The following SLC17A1 variants were observed in gnomAD, a reference collection of about 807,000 sequenced individuals.
The protein encoded by SLC17A1 is sodium-dependent phosphate transport protein 1.
Under a neutral mutation model 53.5 loss-of-function variants are expected in SLC17A1, and 51 were observed. That is an observed-to-expected ratio of 0.95 (90% CI 0.76 to 1.20). The LOEUF (loss-of-function observed/expected upper bound fraction) is 1.20. Among genes scored for constraint, SLC17A1 ranks in the 50% most tolerant of loss-of-function variants. The pLI, the probability that SLC17A1 is intolerant of heterozygous loss-of-function variation, is 0.00. For synonymous variants in SLC17A1, 179 were observed against 198.8 expected, an observed-to-expected ratio of 0.90 and a Z score of 0.84; for missense variants, 538 against 568.2, an observed-to-expected ratio of 0.95 and a Z score of 0.54.
downstream of SLC17A1, chr6:25,777,969 A>C: frequency 1.9e-6 from 3 of 1,613,172 alleles, no homozygotes; most frequent in Non-Finnish European, 2.5e-6. Flanking sequence ...CTTTGCACAC[A>C]TAGCTGGAGC....
the SLC17A1 span, among the ~76,000 whole-genome samples, chr6:25,759,598 T>G: frequency 3.3e-5 from 5 of 152,276 alleles, no homozygotes; most frequent in African/African-American, 1.2e-4. Flanking sequence ...TTTTGTCTGA[T>G]GTAAGAATAG....
intron 6 of SLC17A1, 69 bp downstream of exon 6, chr6:25,818,999 A>G: frequency 1.1e-6 from 1 of 945,058 alleles, no homozygotes; most frequent in Non-Finnish European, 1.6e-6. Context: ...ATTACATTAT[A>G]TTGGGTTTTA....
downstream of SLC17A1, chr6:25,780,810 T>A (rs1239345659): frequency 6.6e-6 from 1 of 152,146 alleles, no homozygotes; most frequent in African/African-American, 2.4e-5. Flanking sequence ...TTAGGTGGAT[T>A]ATTTGATTTA....
intron 10 of SLC17A1, among the ~76,000 whole-genome samples, chr6:25,810,886 CAT>C (rs1491073613): frequency 6.6e-6 from 1 of 152,080 alleles, no homozygotes; most frequent in Non-Finnish European, 1.5e-5. Flanking sequence ...GCATAACAAA[CAT>C]GTGGTATATA....
intron 8 of SLC17A1, 119 bp from the exon 9 acceptor site, chr6:25,811,889 C>A: frequency 9.8e-7 from 1 of 1,023,990 alleles, no homozygotes. Flanking sequence ...AGGAAATCAT[C>A]AACATACAAC....
At position 25,819,748 on chromosome 6, in the gene SLC17A1, G is replaced by A. The variant is rs768277931; in HGVS notation, c.375C>T (p.Ile125=). The A allele has an allele frequency of 1.2e-6, 2 of 1,614,158 alleles. No homozygotes were observed. The highest frequency in any genetic ancestry group is 1.7e-6 in the Non-Finnish European group (2 of 1,180,020). ...LCLSSVLSLL[I]PPAAGIGVAW... ...CTACTCCAATTCCAGCTGCTGGTGG[G>A]ATGAGCAGGCTTAACACAGAGCTGA... is the stretch of plus-strand genomic sequence containing the variant. Residue 125 remains isoleucine, a synonymous_variant, in exon 4 of 13, where the codon ATC becomes ATT. Coordinates refer to ENST00000244527, the MANE Select transcript of SLC17A1 (RefSeq NM_005074.5).
the SLC17A1 span, among the ~76,000 whole-genome samples, chr6:25,776,399 C>CT: frequency 2.8e-3 from 410 of 143,954 alleles, 1 homozygote; most frequent in Middle Eastern, 0.011. Flanking sequence ...GAGCCTTGTT[C>CT]TTTTTTTTTT....
chr6:25,814,912 G>A lies in SLC17A1; in HGVS notation c.617-1699C>T, dbSNP rs1764284973. Among the ~76,000 whole-genome samples, 4 of 151,772 alleles carry A rather than the reference G, an allele frequency of 2.6e-5. No individual in the cohort carries two copies. In the South Asian group the frequency reaches 8.3e-4, roughly 32 times the overall value. ...GCGGCAGGAGAATCGCTTAAATCCA[G>A]GAGGCTGAGGTTGCAGTGAGCTGAG... On this transcript the variant is annotated intron_variant, in intron 6 of 12. Coordinates refer to ENST00000244527, the MANE Select transcript of SLC17A1 (RefSeq NM_005074.5).
chr6:25,830,466 T>C, intron 2 of SLC17A1, 58 bp downstream of exon 2: 3 of 1,256,596 alleles, frequency 2.4e-6, no homozygotes, highest in Non-Finnish European at 3.5e-6. Flanking sequence ...ACATGGAATC[T>C]GTGATGTAAT....
At position 25,798,815 on chromosome 6, in the gene SLC17A1, C is replaced by A. The variant is rs74521692; in HGVS notation, c.1374G>T (p.Trp458Cys). 1 of 1,609,450 alleles carries A rather than the reference C, an allele frequency of 6.2e-7. No homozygotes were observed. The highest frequency in any genetic ancestry group is 8.5e-7 in the Non-Finnish European group (1 of 1,177,118). Reference protein sequence around the residue: ...LIVATAEIQDWAKEKQHTRL With the variant: ...LIVATAEIQDCAKEKQHTRL Reference sequence around the variant, plus strand: ...GACGTGTGTGTTGTTTTTCTTTAGCCCAGTCCTGAATTTCTGCTGTAGCAA... The same window carrying A: ...GACGTGTGTGTTGTTTTTCTTTAGCACAGTCCTGAATTTCTGCTGTAGCAA... The change falls in exon 12 of 13, where the codon TGG becomes TGT. Residue 458 changes from tryptophan (W) to cysteine (C), a missense_variant. By Grantham distance (215) the Trp-to-Cys change is radical. Coordinates refer to ENST00000244527, the MANE Select transcript of SLC17A1 (RefSeq NM_005074.5).
chr6:25,752,400 G>A, the SLC17A1 span, among the ~76,000 whole-genome samples: 1,192 of 152,250 alleles, frequency 7.8e-3, 45 homozygotes, highest in East Asian at 0.028. Context: ...TATCATAAAT[G>A]GAGCTTGTGA....
chr6:25,821,832 TAAATCTTAG>T (rs1764573091), intron 3 of SLC17A1, among the ~76,000 whole-genome samples: 1 of 152,186 alleles, frequency 6.6e-6, no homozygotes, highest in African/African-American at 2.4e-5. Flanking sequence ...TGACTCTAAG[TAAATCTTAG>T]AAATATATAT....
At chr6:25,726,987 G>T in the SLC17A1 span, 22 of 1,614,038 alleles carry the variant, frequency 1.4e-5, no homozygotes, top group South Asian at 1.1e-5. Flanking sequence ...CCAGAAAAAG[G>T]AAGGCAAAAA....
intron 12 of SLC17A1, among the ~76,000 whole-genome samples, chr6:25,786,389 G>A (rs1450133685): frequency 1.3e-5 from 2 of 152,130 alleles, no homozygotes; most frequent in African/African-American, 4.8e-5. Flanking sequence ...TTTTCCACCC[G>A]AGGAACAAGG....
chr6:25,801,039 A>G, intron 10 of SLC17A1, 59 bp from the exon 11 acceptor site: 1 of 900,246 alleles, frequency 1.1e-6, no homozygotes, highest in Non-Finnish European at 1.8e-6. Context: ...AGGAAATGCA[A>G]ACCTAATCAA....
At chr6:25,730,835 C>T in the SLC17A1 span, among the ~76,000 whole-genome samples, 4 of 152,120 alleles carry the variant, frequency 2.6e-5, no homozygotes, top group African/African-American at 9.7e-5. Flanking sequence ...GAAACTAATT[C>T]AGGTGTGAGA....
At chr6:25,732,736 A>G in the SLC17A1 span, 1 of 1,204,538 alleles carries the variant, frequency 8.3e-7, no homozygotes, top group Non-Finnish European at 1.2e-6. Flanking sequence ...CCCGAGTGAC[A>G]ATGGCTTAGG....
the SLC17A1 span, among the ~76,000 whole-genome samples, chr6:25,740,600 G>A: frequency 6.6e-6 from 1 of 152,080 alleles, no homozygotes. Context: ...CTTTACTGAT[G>A]AGCTCCTTTC....
At chr6:25,762,003 T>C in the SLC17A1 span, 1 of 1,613,242 alleles carries the variant, frequency 6.2e-7, no homozygotes, top group Non-Finnish European at 8.5e-7. Flanking sequence ...GTGGGGGACA[T>C]TTCCAGTGAT....
Sources: gnomAD v4.1 joint callset for allele counts (sites outside exome capture counted in the v4.1 genomes callset) on GRCh38, gnomAD v4.1.1 for gene constraint, MANE v1.5 for transcripts, NCBI Gene and HGNC (gene_info 2026-07-23, HGNC 2026-07-21) for gene names.